Variants in MUC4 observed in about 807,000 individuals in gnomAD.
MUC4 encodes the protein mucin-4.
A neutral mutation model predicts 257.9 loss-of-function variants in MUC4; 202 were observed. The ratio of observed to expected loss-of-function variants is 0.78; its 90% confidence interval spans 0.70 to 0.88. The LOEUF is 0.88. Ranked by LOEUF, MUC4 falls within the 40% of genes least tolerant of loss-of-function variation. The pLI, the probability that MUC4 is intolerant of heterozygous loss-of-function variation, is 0.00. For synonymous variants in MUC4, 2,351 were observed against 2,757.1 expected (o/e 0.85, Z 4.62); for missense variants, 5,976 against 6,513.7 (o/e 0.92, Z 2.84).
chr3:195,747,182 C>A lies in MUC4; in HGVS notation c.16233G>T (p.Leu5411Phe). Reference protein sequence around the residue: ...FSYFLNSAEALP With the variant: ...FSYFLNSAEAFP ...CTAGGCCACAGCTGCCCCTTCAAGG[C>A]AAGGCCTCAGCTGAGTTCAGGAAAT... The change falls in exon 25 of 25, where the codon TTG becomes TTT. Residue 5411 changes from leucine (L) to phenylalanine (F), a missense_variant. Transcript: ENST00000463781. 1.2e-6 allele frequency: 2 copies of A among 1,614,272 alleles called. No homozygotes were observed. Among genetic ancestry groups the A allele is most frequent in the Middle Eastern group, 1.6e-4 (1 of 6,062 alleles).
intron 7 of MUC4, among the ~76,000 whole-genome samples, chr3:195,767,997 TC>T (rs1721989403): frequency 1.4e-5 from 2 of 147,660 alleles, no homozygotes; most frequent in Admixed American, 1.3e-4. Context: ...AGGTGTGGGG[TC>T]CGAGCATGGC....
chr3:195,800,984 G>A (rs925384497), intron 1 of MUC4, among the ~76,000 whole-genome samples: 13 of 151,854 alleles, frequency 8.6e-5, no homozygotes, highest in South Asian at 2.1e-4. Flanking sequence ...CAGGTGGTCC[G>A]TGGACCCCAC....
At chr3:195,748,138 G>A (rs1167476045) in intron 24 of MUC4, among the ~76,000 whole-genome samples, 4 of 152,292 alleles carry the variant, frequency 2.6e-5, no homozygotes, top group Admixed American at 6.5e-5. Context: ...GCGGAGCCCC[G>A]GGGACTGCTG....
intron 2 of MUC4, 38 bp downstream of exon 2, chr3:195,778,752 C>A (rs749783097): frequency 1.9e-6 from 3 of 1,565,442 alleles, no homozygotes; most frequent in African/African-American, 1.3e-5. Flanking sequence ...GCCAAGGGGC[C>A]CACTGGGAGA....
In MUC4 at chr3:195,784,241, T is replaced by G; in HGVS notation, c.7339A>C (p.Thr2447Pro). 2 of 1,368,278 alleles carry G rather than the reference T, an allele frequency of 1.5e-6. No homozygotes were observed. Among genetic ancestry groups the G allele is most frequent in the African/African-American group, 1.6e-5 (1 of 63,934 alleles). The allele number at this position is 1,368,278 out of a possible 1,614,324, so 84.8% of individuals were successfully genotyped here. ...NVSSASTGHA[T>P]PLPVTSTSSA... is the part of the protein sequence containing the mutation. Reference sequence around the variant, plus strand: ...GAAGTGCTGGTGACAGGAAGAGGGGTGGCATGACCTGTGGATGCCGAGGAA... The same window carrying G: ...GAAGTGCTGGTGACAGGAAGAGGGGGGGCATGACCTGTGGATGCCGAGGAA... The change falls in exon 2 of 25, where the codon ACC becomes CCC. Residue 2447 changes from threonine (T) to proline (P), a missense_variant. By Grantham distance (38) the Thr-to-Pro change is conservative. Around this residue, in one of 44 missense-constraint regions of MUC4, gnomAD observed 57 missense variants for 116.5 expected, o/e 0.49. Coordinates refer to ENST00000463781, the MANE Select transcript of MUC4 (RefSeq NM_018406.7).
chr3:195,770,859 A>C (rs1252587938), intron 5 of MUC4: 3 of 458,158 alleles, frequency 6.5e-6, no homozygotes, highest in South Asian at 3.1e-5. Flanking sequence ...CTCTTGACTC[A>C]CTCTTGTTAG....
rs776683366 is a variant in MUC4 at position 195,783,541 on chromosome 3, GAGGAAGGGCTA to G, written c.8028_8038del (p.Pro2678IlefsTer20). On this transcript the variant is annotated frameshift_variant, in exon 2 of 25. Coordinates refer to ENST00000463781, the MANE Select transcript of MUC4 (RefSeq NM_018406.7). LOFTEE classifies it high-confidence loss of function. ...AGAGGTGGCATGACCGGTGGATGCT[GAGGAAGGGCTA>G]GTGACAGGAAGAGGCGTGGTGTCAC... 7 of 392,708 alleles carry G rather than the reference GAGGAAGGGCTA, an allele frequency of 1.8e-5. No individual in the cohort carries two copies. The African/African-American group carries it at 4.8e-4, about 27-fold the overall frequency. The allele number at this position is 392,708 out of a possible 1,614,324, so 24.3% of individuals were successfully genotyped here.
rs1736764873 is a variant in MUC4 at position 195,811,665 on chromosome 3, T to C, written c.82+71A>G. ...CTCTCTCTCTGTCTCCCCGGACCTC[T>C]TTCTCTGACAGCTCCCACCTCCCCC... On this transcript the variant is annotated intron_variant, in intron 1 of 24. Transcript: ENST00000463781. 3 of 1,441,406 alleles carry C rather than the reference T, an allele frequency of 2.1e-6. No homozygotes were observed. The Admixed American group carries it at 5.1e-5, about 25-fold the overall frequency. The allele number at this position is 1,441,406 out of a possible 1,614,324, so 89.3% of individuals were successfully genotyped here.
chr3:195,775,805 C>A (rs1182944941), intron 3 of MUC4, among the ~76,000 whole-genome samples: 2 of 49,720 alleles, frequency 4.0e-5, no homozygotes, highest in African/African-American at 2.3e-4. Context: ...CACACCCATA[C>A]CTTCCACGGC....
intron 13 of MUC4, 131 bp downstream of exon 13, chr3:195,762,724 G>A (rs1419663572): frequency 7.2e-6 from 5 of 692,654 alleles, no homozygotes; most frequent in Non-Finnish European, 1.0e-5. Context: ...GCACCGCCAC[G>A]CGCCCGGCCC....
At position 195,770,246 on chromosome 3, in the gene MUC4, G is replaced by A; in HGVS notation, c.13368C>T (p.Ala4456=). 7 of 1,613,362 alleles carry A rather than the reference G, an allele frequency of 4.3e-6. No individual in the cohort carries two copies. The highest frequency in any genetic ancestry group is 3.4e-6 in the Non-Finnish European group (4 of 1,179,716). Residue 4456 remains alanine (A), a synonymous_variant, in exon 6 of 25, where the codon GCC becomes GCT. Transcript: ENST00000463781. Reference sequence around the variant, plus strand: ...GGGTCCACTGGGCAGGATAGGCGTGGGCATTGACCCACGTGACCTTTAGGG... The same window carrying A: ...GGGTCCACTGGGCAGGATAGGCGTGAGCATTGACCCACGTGACCTTTAGGG... ...RWALKVTWVN[A]HAYPAQWTLG... is the part of the protein sequence containing the mutation.
Position 195,761,135 on chromosome 3 carries a change from C to G in MUC4, c.14615-18G>C. The G allele has an allele frequency of 1.3e-6, 2 of 1,598,324 alleles. No individual in the cohort carries two copies. Among genetic ancestry groups the G allele is most frequent in the Non-Finnish European group, 8.6e-7 (1 of 1,165,654 alleles). ...GATCTGCCCTGTAACACACAGAGCG[C>G]GGTGGTACCAGGCATGGCACTCAGC... On this transcript the variant is annotated intron_variant, in intron 15 of 24. Transcript: ENST00000463781.
chr3:195,805,335 C>T (rs1476606575), intron 1 of MUC4, among the ~76,000 whole-genome samples: 2 of 152,178 alleles, frequency 1.3e-5, no homozygotes, highest in Admixed American at 1.3e-4. Context: ...GCTCCAGCAC[C>T]AAACCAAGAA....
chr3:195,762,612 ACG>A (rs1243054907), intron 13 of MUC4, among the ~76,000 whole-genome samples: 4 of 139,702 alleles, frequency 2.9e-5, no homozygotes, highest in African/African-American at 1.1e-4. Context: ...CTGCACCGCC[ACG>A]CACCCGGCCC....
intron 13 of MUC4, among the ~76,000 whole-genome samples, chr3:195,762,566 CAA>C (rs1719327097): frequency 6.7e-6 from 1 of 149,864 alleles, no homozygotes; most frequent in Non-Finnish European, 1.5e-5. Flanking sequence ...CCCTGCACCG[CAA>C]CGCACCGGGC....
chr3:195,761,035 C>A lies in MUC4; in HGVS notation c.14697G>T (p.Leu4899=). 1 of 1,614,096 alleles carries A rather than the reference C, an allele frequency of 6.2e-7. No homozygotes were observed. Among genetic ancestry groups the A allele is most frequent in the Middle Eastern group, 1.6e-4 (1 of 6,062 alleles). The change falls in exon 16 of 25, where the codon CTG becomes CTT. Residue 4899 remains leucine (L), a synonymous_variant. Transcript: ENST00000463781. The part of the protein sequence containing the change: ...SNFTPVFYSQ[L]QKNSSWAEHL... Reference sequence around the variant, plus strand: ...GTTCAGCCCAGGAGCTGTTTTTTTGCAGTTGTGAGTAGAAAACAGGGGTGA... The same window carrying A: ...GTTCAGCCCAGGAGCTGTTTTTTTGAAGTTGTGAGTAGAAAACAGGGGTGA...
chr3:195,760,419 T>C (rs900836196), intron 16 of MUC4, among the ~76,000 whole-genome samples: 1 of 136,376 alleles, frequency 7.3e-6, no homozygotes, highest in Admixed American at 7.7e-5. Flanking sequence ...CCTAGCGTGT[T>C]TGAAGAACAC....
chr3:195,807,992 G>C (rs1262234218), intron 1 of MUC4, among the ~76,000 whole-genome samples: 3 of 152,212 alleles, frequency 2.0e-5, no homozygotes, highest in Admixed American at 1.3e-4. Context: ...CCGCTGGAGC[G>C]AGCCCCTGCT....
intron 1 of MUC4, 104 bp downstream of exon 1, chr3:195,811,632 C>A: frequency 5.1e-6 from 1 of 195,400 alleles, no homozygotes; most frequent in Non-Finnish European, 9.5e-6. Flanking sequence ...TTCCCCTATT[C>A]TCTCTCTCTC....
Sources: allele counts gnomAD v4.1 joint callset (sites outside exome capture counted in the v4.1 genomes callset), GRCh38; gene constraint gnomAD v4.1.1; regional missense constraint gnomAD v4.1.1; transcripts MANE v1.5; gene names NCBI Gene and HGNC (gene_info 2026-07-23, HGNC 2026-07-21).